The following TRMT9B variants were observed in gnomAD, a reference collection of about 807,000 sequenced individuals.
TRMT9B encodes the protein tRNA methyltransferase 9B (putative).
TRMT9B carries 16 observed loss-of-function variants against 11.5 expected under a neutral mutation model. That is an observed-to-expected ratio of 1.39 (90% CI 0.94 to 2.11). TRMT9B has a LOEUF of 2.11. TRMT9B is among the 30% of genes most tolerant of loss of function. TRMT9B has a pLI of 0.00. For missense variants in TRMT9B, 941 were observed against 553.8 expected (o/e 1.70, Z -7.02); for synonymous variants, 274 against 192.4 (o/e 1.42, Z -3.51).
intron 3 of TRMT9B, chr8:13,011,857 C>G (rs958054454): frequency 1.0e-6 from 1 of 977,196 alleles, no homozygotes; most frequent in Middle Eastern, 5.3e-4. Flanking sequence ...AAATTCTTTT[C>G]TAATTCAAGT....
chr8:13,003,647 C>G (rs191668191), intron 2 of TRMT9B, among the ~76,000 whole-genome samples: 1 of 151,258 alleles, frequency 6.6e-6, no homozygotes, highest in African/African-American at 2.4e-5. Flanking sequence ...CTTATGTGCC[C>G]GCCTAAGCCA....
chr8:13,011,085 A>G (rs1018172072), intron 3 of TRMT9B: 27 of 404,108 alleles, frequency 6.7e-5, no homozygotes, highest in African/African-American at 5.8e-4. Flanking sequence ...CCTGAATTTA[A>G]GTGATTTTTT....
chr8:12,975,822 TCCA>T (rs1417179718), intron 1 of TRMT9B, among the ~76,000 whole-genome samples: 19 of 152,100 alleles, frequency 1.2e-4, no homozygotes, highest in African/African-American at 4.3e-4. Context: ...TTGATGATAA[TCCA>T]CCACCACCAT....
chr8:13,003,725 G>C (rs1809887905), intron 2 of TRMT9B, among the ~76,000 whole-genome samples: 1 of 151,596 alleles, frequency 6.6e-6, no homozygotes, highest in Non-Finnish European at 1.5e-5. Context: ...GAGGGGGATA[G>C]TGTGGAGCAA....
chr8:12,953,244 C>A (rs77127643), intron 1 of TRMT9B, among the ~76,000 whole-genome samples: 2 of 124,916 alleles, frequency 1.6e-5, no homozygotes, highest in African/African-American at 6.0e-5. Context: ...ATTGGTAATA[C>A]AGCTAACCAT....
chr8:12,988,686 C>G (rs780310018), intron 1 of TRMT9B, among the ~76,000 whole-genome samples: 1 of 152,156 alleles, frequency 6.6e-6, no homozygotes, highest in Non-Finnish European at 1.5e-5. Context: ...GGTAACCACC[C>G]CTATGATTCA....
chr8:12,992,706 A>G (rs905462377), intron 2 of TRMT9B, among the ~76,000 whole-genome samples: 4 of 149,918 alleles, frequency 2.7e-5, no homozygotes, highest in African/African-American at 7.5e-5. Flanking sequence ...CAAAAAAAGA[A>G]AAAAAAAAGC....
At chr8:12,989,728 T>C (rs1009775210) in intron 1 of TRMT9B, among the ~76,000 whole-genome samples, 4 of 152,216 alleles carry the variant, frequency 2.6e-5, no homozygotes, top group Non-Finnish European at 4.4e-5. Context: ...TACCCTGTCA[T>C]AGGGACTCAG....
intron 3 of TRMT9B, chr8:13,011,388 G>T: frequency 1.0e-6 from 1 of 985,324 alleles, no homozygotes; most frequent in Non-Finnish European, 1.2e-6. Context: ...TGCCTAGTAA[G>T]GAGGGGTTAT....
At chr8:12,966,150 AC>A (rs56878983) in intron 1 of TRMT9B, among the ~76,000 whole-genome samples, 7 of 150,862 alleles carry the variant, frequency 4.6e-5, no homozygotes, top group Admixed American at 2.0e-4. Context: ...ACATAGTAAG[AC>A]CCCCCCCATC....
intron 1 of TRMT9B, among the ~76,000 whole-genome samples, chr8:12,950,054 A>G (rs1198908894): frequency 6.6e-6 from 1 of 151,936 alleles, no homozygotes; most frequent in Non-Finnish European, 1.5e-5. Flanking sequence ...AGGTTTCACT[A>G]TGTTGCCCAA....
intron 2 of TRMT9B, among the ~76,000 whole-genome samples, chr8:12,998,892 A>G (rs1808849051): frequency 6.6e-6 from 1 of 152,200 alleles, no homozygotes; most frequent in South Asian, 2.1e-4. Flanking sequence ...TTTTACTTTT[A>G]TTTGTCAACA....
intron 1 of TRMT9B, chr8:12,969,997 T>G (rs1262536582): frequency 6.6e-6 from 1 of 152,056 alleles, no homozygotes; most frequent in Non-Finnish European, 1.5e-5. Flanking sequence ...TGATACACAG[T>G]TGGTCAGATT....
chr8:12,974,130 C>T (rs893123302), intron 1 of TRMT9B, among the ~76,000 whole-genome samples: 3 of 151,994 alleles, frequency 2.0e-5, no homozygotes, highest in Non-Finnish European at 4.4e-5. Context: ...AAGATCGCAC[C>T]GATGCTCTCC....
chr8:12,988,247 G>T (rs2954177), intron 1 of TRMT9B, among the ~76,000 whole-genome samples: 6,026 of 152,150 alleles, frequency 0.04, 159 homozygotes, highest in African/African-American at 0.069. Flanking sequence ...TGGATCAGTC[G>T]CCTATGTGCT....
chr8:12,989,107 C>T (rs1390726242), intron 1 of TRMT9B, among the ~76,000 whole-genome samples: 1 of 151,720 alleles, frequency 6.6e-6, no homozygotes, highest in African/African-American at 2.4e-5. Context: ...TCTGGCTTTG[C>T]CCCTGAGCCA....
chr8:13,020,576 G>T (rs1057332036), intron 4 of TRMT9B, among the ~76,000 whole-genome samples: 1 of 152,060 alleles, frequency 6.6e-6, no homozygotes, highest in Non-Finnish European at 1.5e-5. Context: ...AGTACAAATT[G>T]TTCATTAAAA....
chr8:12,986,084 A>C (rs1202243127), intron 1 of TRMT9B, among the ~76,000 whole-genome samples: 2 of 151,388 alleles, frequency 1.3e-5, no homozygotes, highest in South Asian at 2.1e-4. Context: ...CTGGTCTTAA[A>C]CTCCTGACCT....
intron 2 of TRMT9B, among the ~76,000 whole-genome samples, chr8:13,005,295 G>A (rs757573033): frequency 7.9e-5 from 12 of 152,228 alleles, no homozygotes; most frequent in Admixed American, 1.3e-4. Flanking sequence ...GCTGCAAAGC[G>A]TAGCGGGGAG....
Sources: gnomAD v4.1 joint callset for allele counts (sites outside exome capture counted in the v4.1 genomes callset) on GRCh38, gnomAD v4.1.1 for gene constraint, MANE v1.5 for transcripts, NCBI Gene and HGNC (gene_info 2026-07-23, HGNC 2026-07-21) for gene names.